The following MAMDC2 variants were observed in gnomAD, a reference collection of about 807,000 sequenced individuals.
The protein encoded by MAMDC2 is MAM domain-containing protein 2.
MAMDC2 carries 57 observed loss-of-function variants against 89.8 expected under a neutral mutation model. The ratio of observed to expected loss-of-function variants is 0.63; its 90% CI spans 0.51 to 0.79. The LOEUF is 0.79. Ranked by LOEUF, MAMDC2 falls within the 30% of genes least tolerant of loss-of-function variation. MAMDC2 has a pLI of 0.00. For synonymous variants in MAMDC2, 313 were observed against 293.4 expected, an observed-to-expected ratio of 1.07 and a Z score of -0.68; for missense variants, 800 against 820.6, an observed-to-expected ratio of 0.97 and a Z score of 0.31.
At chr9:70,067,309 C>T (rs1204753400) in intron 2 of MAMDC2, among the ~76,000 whole-genome samples, 3 of 152,054 alleles carry the variant, frequency 2.0e-5, no homozygotes, top group Admixed American at 6.6e-5. Context: ...AGTAATAAGC[C>T]CTTCAGTCCT....
intron 5 of MAMDC2, among the ~76,000 whole-genome samples, chr9:70,123,829 A>C (rs777163340): frequency 1.7e-4 from 26 of 152,218 alleles, no homozygotes; most frequent in Non-Finnish European, 2.8e-4. Context: ...GCACACCACC[A>C]GAAGCCGGGA....
chr9:70,181,721 G>A (rs953888443), intron 11 of MAMDC2, among the ~76,000 whole-genome samples: 10 of 152,162 alleles, frequency 6.6e-5, no homozygotes, highest in African/African-American at 2.4e-4. Flanking sequence ...CAGAGACTTT[G>A]CTGAAGTTGA....
chr9:70,100,021 A>AGAGAGAGAGAGAGAGAGC (rs1316783544), intron 2 of MAMDC2, among the ~76,000 whole-genome samples: 4 of 144,524 alleles, frequency 2.8e-5, no homozygotes, highest in East Asian at 4.2e-4. Context: ...AGAGAGAGAG[A>AGAGAGAGAGAGAGAGAGC]GAGCACAAGC....
intron 11 of MAMDC2, among the ~76,000 whole-genome samples, chr9:70,215,267 C>T (rs1020721400): frequency 2.6e-5 from 4 of 152,006 alleles, no homozygotes; most frequent in African/African-American, 9.7e-5. Context: ...TCCAATGTTA[C>T]AAAAATGACA....
In MAMDC2 at chr9:70,143,648, T is replaced by C. The variant is rs201378945; in HGVS notation, c.1233T>C (p.Cys411=). 2.5e-6 allele frequency: 4 copies of C among 1,614,214 alleles called. No individual in the cohort carries two copies. In the East Asian group the frequency reaches 8.9e-5, roughly 36 times the overall value. The part of the protein sequence containing the change: ...GPSLPGNLQY[C]LRFHYAIYGF... ...CCCTACCAGGAAACTTGCAGTATTG[T>C]CTGCGTTTTCATTATGCCATCTATG... The change falls in exon 9 of 14, where the codon TGT becomes TGC. Residue 411 remains cysteine (C), a synonymous_variant. Coordinates refer to ENST00000377182, the MANE Select transcript of MAMDC2 (RefSeq NM_153267.5).
At chr9:70,099,729 C>A (rs1587469035) in intron 2 of MAMDC2, among the ~76,000 whole-genome samples, 2 of 152,246 alleles carry the variant, frequency 1.3e-5, no homozygotes, top group South Asian at 4.2e-4. Context: ...AATCCCAGCA[C>A]TTTGGGAGGC....
At chr9:70,184,268 T>C (rs1169409335) in intron 11 of MAMDC2, among the ~76,000 whole-genome samples, 1 of 152,226 alleles carries the variant, frequency 6.6e-6, no homozygotes, top group Admixed American at 6.5e-5. Context: ...TCTGATGGGC[T>C]TCCCTTTCTA....
chr9:70,190,135 A>G (rs1304207876), intron 11 of MAMDC2, among the ~76,000 whole-genome samples: 1 of 152,168 alleles, frequency 6.6e-6, no homozygotes, highest in Non-Finnish European at 1.5e-5. Context: ...TGTATGGGCA[A>G]TAGTTTCCTA....
intron 11 of MAMDC2, among the ~76,000 whole-genome samples, chr9:70,213,498 T>C (rs747351146): frequency 6.6e-6 from 1 of 152,184 alleles, no homozygotes; most frequent in Non-Finnish European, 1.5e-5. Context: ...TAGGATAGCA[T>C]TGGATTCCTT....
chr9:70,047,986 G>T (rs899326809), intron 2 of MAMDC2, among the ~76,000 whole-genome samples: 1 of 152,170 alleles, frequency 6.6e-6, no homozygotes, highest in Non-Finnish European at 1.5e-5. Context: ...GAATAGGTAA[G>T]TTTTGACCAG....
At chr9:70,092,825 GA>G (rs1827935553) in intron 2 of MAMDC2, 1 of 152,116 alleles carries the variant, frequency 6.6e-6, no homozygotes, top group African/African-American at 2.4e-5. Context: ...CAGATATCAT[GA>G]GGTTTACCTT....
chr9:70,184,781 T>TA (rs951784991), intron 11 of MAMDC2, among the ~76,000 whole-genome samples: 3 of 152,126 alleles, frequency 2.0e-5, no homozygotes, highest in Admixed American at 6.5e-5. Context: ...GCAGTTCCTG[T>TA]AACCTTTTAT....
rs149088052 is a variant in MAMDC2 at position 70,087,959 on chromosome 9, A to AT, written c.149-20245dup. 6.2e-3 allele frequency among the ~76,000 whole-genome samples: 946 copies of AT among 152,162 alleles called. 15 individuals are homozygous for AT. The highest frequency in any genetic ancestry group is 0.022 in the African/African-American group (910 of 41,546). ...TTAGGGAGTATTTAGGAATTTCTTG[A>AT]TTTTTTTAAAAGGCATAGAATTTAA... On this transcript the variant is annotated intron_variant, in intron 2 of 13. Coordinates refer to ENST00000377182, the MANE Select transcript of MAMDC2 (RefSeq NM_153267.5).
chr9:70,192,198 A>T (rs1457522428), intron 11 of MAMDC2, among the ~76,000 whole-genome samples: 1 of 152,042 alleles, frequency 6.6e-6, no homozygotes, highest in Non-Finnish European at 1.5e-5. Context: ...AATCTCTCTG[A>T]TAACTTCAAA....
At chr9:70,200,739 T>C (rs2033084404) in intron 11 of MAMDC2, among the ~76,000 whole-genome samples, 1 of 149,110 alleles carries the variant, frequency 6.7e-6, no homozygotes. Flanking sequence ...GAGCAGTGGT[T>C]TGTAGTTCTC....
At chr9:70,149,045 AT>A (rs34684659) in intron 9 of MAMDC2, among the ~76,000 whole-genome samples, 10 of 95,832 alleles carry the variant, frequency 1.0e-4, no homozygotes, top group Admixed American at 5.1e-4. Context: ...AAAAAAAAAA[AT>A]TTTTTTTTTT....
rs543487445 is a variant in MAMDC2 at position 70,179,528 on chromosome 9, A to T, written c.1651+8897A>T. ...AACAGAGCAAGACTCCGTCTCAAAA[A>T]AAATAAATAAATAAATAAATAAAAA... On this transcript the variant is annotated intron_variant, in intron 11 of 13. Transcript: ENST00000377182. 6.2e-3 allele frequency among the ~76,000 whole-genome samples: 529 copies of T among 85,122 alleles called. 1 individual carries two copies. The highest frequency in any genetic ancestry group is 9.7e-3 in the Non-Finnish European group (394 of 40,440). 55.8% of individuals were successfully genotyped at this position (85,122 alleles called of 152,430 possible). A position where few individuals can be genotyped will look rare whatever the true frequency, so the allele number is the denominator to read the frequency against.
intron 11 of MAMDC2, among the ~76,000 whole-genome samples, chr9:70,188,145 A>G (rs913446025): frequency 2.6e-5 from 4 of 152,054 alleles, no homozygotes; most frequent in African/African-American, 9.7e-5. Context: ...CTTTTTTGGG[A>G]ACTGCATGAA....
chr9:70,081,661 C>T (rs899731618), intron 2 of MAMDC2: 1 of 152,086 alleles, frequency 6.6e-6, no homozygotes, highest in Admixed American at 6.6e-5. Flanking sequence ...AATTCTCAGT[C>T]TTCTCCAGAC....
Sources: gnomAD v4.1 joint callset for allele counts (sites outside exome capture counted in the v4.1 genomes callset) on GRCh38, gnomAD v4.1.1 for gene constraint, MANE v1.5 for transcripts, NCBI Gene and HGNC (gene_info 2026-07-23, HGNC 2026-07-21) for gene names.